Variants in SBNO2 observed in about 807,000 individuals in gnomAD.
SBNO2 encodes protein strawberry notch homolog 2.
A neutral mutation model predicts 146.3 loss-of-function variants in SBNO2; 89 were observed. The ratio of observed to expected loss-of-function variants is 0.61; its 90% CI spans 0.51 to 0.73. The LOEUF is 0.73. Ranked by LOEUF, SBNO2 falls within the 30% of genes least tolerant of loss-of-function variation. The probability of loss-of-function intolerance (pLI) is 0.00; values close to 1 mark genes in which losing one functional copy is unlikely to be tolerated. For missense variants in SBNO2, 2,092 were observed against 2,003.7 expected, an observed-to-expected ratio of 1.04 and a Z score of -0.84; for synonymous variants, 1,147 against 892.6, an observed-to-expected ratio of 1.29 and a Z score of -5.08.
At chr19:1,166,411 A>G (rs12462901) in intron 1 of SBNO2, among the ~76,000 whole-genome samples, 1 of 152,032 alleles carries the variant, frequency 6.6e-6, no homozygotes, top group Non-Finnish European at 1.5e-5. Context: ...GTCCGCCTGG[A>G]CAGGGTGGTG....
At position 1,123,056 on chromosome 19, in the gene SBNO2, A is replaced by C. The variant is rs963951153; in HGVS notation, c.629-11T>G. The C allele has an allele frequency of 2.5e-6, 4 of 1,591,418 alleles. No individual in the cohort carries two copies. The highest frequency in any genetic ancestry group is 3.4e-6 in the Non-Finnish European group (4 of 1,169,634). On this transcript the variant is annotated splice_polypyrimidine_tract_variant and intron_variant, in intron 7 of 31. Transcript: ENST00000361757. ...GCTTCCCGATCTTGGCTGGAGGAGC[A>C]AGGACGGAGGGCAAGGTAAAGGGTA...
rs900252153 is a variant in SBNO2, at chr19:1,136,606, C to A, written c.280-8841G>T. Among the ~76,000 whole-genome samples the A allele has an allele frequency of 1.3e-5, 2 of 152,216 alleles. No homozygotes were observed. The highest frequency in any genetic ancestry group is 4.8e-5 in the African/African-American group (2 of 41,462). On this transcript the variant is annotated intron_variant, in intron 4 of 31. Coordinates refer to ENST00000361757, the MANE Select transcript of SBNO2 (RefSeq NM_014963.3). The surrounding 1 kb of genome is among the most constrained non-coding windows in gnomAD (Gnocchi z 4.2). The stretch of plus-strand genomic sequence containing the variant: ...GCCTTGGCTGGGTGTGAACCAAAGA[C>A]TTCCTGTAAGAAATCCCCCTCTCCC...
intron 1 of SBNO2, among the ~76,000 whole-genome samples, chr19:1,165,631 CAGATCCCAGACTTCAGATCCCT>C (rs1390833451): frequency 2.0e-5 from 3 of 151,902 alleles, no homozygotes; most frequent in African/African-American, 7.3e-5. Context: ...TCTCAGACCC[CAGATCCCAGACTTCAGATCCCT>C]AGATCCCAGA....
At chr19:1,141,017 A>ACACCCCGGAGAAGACG (rs1568607138) in intron 4 of SBNO2, among the ~76,000 whole-genome samples, 4 of 137,762 alleles carry the variant, frequency 2.9e-5, no homozygotes, top group African/African-American at 1.0e-4. Flanking sequence ...TGGAGAAGAC[A>ACACCCCGGAGAAGACG]CACCCTGGAG....
chr19:1,134,128 C>G (rs997435793), intron 4 of SBNO2, among the ~76,000 whole-genome samples: 1 of 143,592 alleles, frequency 7.0e-6, no homozygotes, highest in Admixed American at 6.9e-5. Flanking sequence ...GGACCCACAG[C>G]CCATAGGACC....
chr19:1,122,655 C>T lies in SBNO2; in HGVS notation c.914+3G>A. The stretch of plus-strand genomic sequence containing the variant: ...CCGCCCCCTGCCCCAGGCAGGGCCT[C>T]ACCACAATGCTTTCTTCCGGCCGCG... On this transcript the variant is annotated splice_donor_region_variant and intron_variant, in intron 9 of 31. Transcript: ENST00000361757. 6.5e-7 allele frequency: 1 copy of T among 1,533,920 alleles called. No homozygotes were observed. Among genetic ancestry groups the T allele is most frequent in the Non-Finnish European group, 8.7e-7 (1 of 1,145,538 alleles).
intron 18 of SBNO2, 96 bp downstream of exon 18, chr19:1,114,135 G>A: frequency 8.5e-7 from 1 of 1,170,318 alleles, no homozygotes; most frequent in Non-Finnish European, 1.2e-6. Context: ...GGAGGCCGGG[G>A]GAGCCTCAGG....
At chr19:1,149,945 C>T (rs1200793535) in intron 2 of SBNO2, among the ~76,000 whole-genome samples, 4 of 152,192 alleles carry the variant, frequency 2.6e-5, no homozygotes, top group Non-Finnish European at 5.9e-5. Flanking sequence ...GCCCCTCGGA[C>T]AAGCTGATGT....
chr19:1,152,522 G>A (rs979743661), intron 2 of SBNO2, among the ~76,000 whole-genome samples: 6 of 151,984 alleles, frequency 3.9e-5, no homozygotes, highest in African/African-American at 1.5e-4. Context: ...GCTGACCGAC[G>A]GCCGGTACTC....
At chr19:1,141,388 T>C (rs2080135878) in intron 4 of SBNO2, among the ~76,000 whole-genome samples, 1 of 152,076 alleles carries the variant, frequency 6.6e-6, no homozygotes, top group Non-Finnish European at 1.5e-5. Flanking sequence ...CTAATTTTTG[T>C]ATTTGTAGTA....
In SBNO2 at chr19:1,173,139, A is replaced by G. The variant is rs1568660479; in HGVS notation, c.-127+1033T>C. ...ACGCCTGCCCCCCACGCCCCAGGTC[A>G]GTCTGGGGATTGGTCCCTCCAGGCC... On this transcript the variant is annotated intron_variant, in intron 1 of 31. Transcript: ENST00000361757. This position sits in a 1 kb window ranked among gnomAD's most constrained non-coding sequence, Gnocchi z 4.7. 6.6e-6 allele frequency among the ~76,000 whole-genome samples: 1 copy of G among 152,022 alleles called. No homozygotes were observed. Among genetic ancestry groups the G allele is most frequent in the Non-Finnish European group, 1.5e-5 (1 of 67,990 alleles).
chr19:1,137,019 C>T (rs2080090453), intron 4 of SBNO2, among the ~76,000 whole-genome samples: 1 of 150,530 alleles, frequency 6.6e-6, no homozygotes, highest in Non-Finnish European at 1.5e-5. Flanking sequence ...GCCGAGAGCC[C>T]CAGGAGCCCA....
chr19:1,119,313 C>T (rs1016733978), intron 13 of SBNO2, 149 bp from the exon 14 acceptor site: 3 of 1,079,328 alleles, frequency 2.8e-6, no homozygotes, highest in Non-Finnish European at 2.6e-6. Flanking sequence ...CTGAGCCTGG[C>T]GGGGACGGGG....
intron 19 of SBNO2, among the ~76,000 whole-genome samples, chr19:1,113,173 G>T (rs1346803637): frequency 6.6e-6 from 1 of 152,190 alleles, no homozygotes; most frequent in Non-Finnish European, 1.5e-5. Flanking sequence ...AAGTGAAAAA[G>T]TGAAGCTGGG....
chr19:1,119,854 A>T, intron 12 of SBNO2, 52 bp downstream of exon 12: 2 of 1,381,314 alleles, frequency 1.4e-6, no homozygotes, highest in Non-Finnish European at 2.0e-6. Flanking sequence ...GGGGACAGCC[A>T]GGCAGAAAGA....
rs1221236978 is a variant in SBNO2 at position 1,144,893 on chromosome 19, G to T, written c.279+2416C>A. ...AGACAGAGACAGAGAGGGAGACAGA[G>T]AGACAGAGGCGGAGATGGAGACAGA... is the stretch of plus-strand genomic sequence containing the variant. On this transcript the variant is annotated intron_variant, in intron 4 of 31. Coordinates refer to ENST00000361757, the MANE Select transcript of SBNO2 (RefSeq NM_014963.3). The surrounding 1 kb of genome is among the most constrained non-coding windows in gnomAD (Gnocchi z 4.1). Among the ~76,000 whole-genome samples the T allele has an allele frequency of 6.9e-6, 1 of 145,128 alleles. No homozygotes were observed. Among genetic ancestry groups the T allele is most frequent in the Non-Finnish European group, 1.5e-5 (1 of 67,356 alleles).
Position 1,112,304 on chromosome 19 carries a change from G to GGGGGCAGAGCTGCTCTCAGGGCC in SBNO2, c.2516-26_2516-4dup. ...CTGGTTGGACCGGTGGGTGCGGCCT[G>GGGGGCAGAGCTGCTCTCAGGGCC]GGGGCAGAGCTGCTCTCAGGGCCCG... On this transcript the variant is annotated splice_region_variant and splice_polypyrimidine_tract_variant and intron_variant, in intron 21 of 31. Transcript: ENST00000361757. The surrounding 1 kb of genome is among the most constrained non-coding windows in gnomAD (Gnocchi z 5.9). The GGGGGCAGAGCTGCTCTCAGGGCC allele has an allele frequency of 6.3e-7, 1 of 1,581,184 alleles. No homozygotes were observed. The highest frequency in any genetic ancestry group is 8.6e-7 in the Non-Finnish European group (1 of 1,164,918).
In SBNO2 at chr19:1,154,337, G is replaced by C; in HGVS notation, c.-61C>G. Reference sequence around the variant, plus strand: ...GCAGGCGGCGGGACTCCAGGACCCGGGGCCGCCGGGGCGTCTATCTGGGCT... The same window carrying C: ...GCAGGCGGCGGGACTCCAGGACCCGCGGCCGCCGGGGCGTCTATCTGGGCT... On this transcript the variant is annotated 5_prime_UTR_variant, in exon 2 of 32. Coordinates refer to ENST00000361757, the MANE Select transcript of SBNO2 (RefSeq NM_014963.3). The C allele has an allele frequency of 1.1e-6, 1 of 933,322 alleles. No homozygotes were observed. Among genetic ancestry groups the C allele is most frequent in the Non-Finnish European group, 1.4e-6 (1 of 713,964 alleles). 57.8% of individuals were successfully genotyped at this position (933,322 alleles called of 1,614,324 possible). A position where few individuals can be genotyped will look rare whatever the true frequency, so the allele number is the denominator to read the frequency against.
intron 4 of SBNO2, among the ~76,000 whole-genome samples, chr19:1,129,829 G>C (rs769211728): frequency 2.6e-5 from 4 of 152,140 alleles, no homozygotes; most frequent in Non-Finnish European, 5.9e-5. Flanking sequence ...CCAAATGCGT[G>C]GGTCACACGG....
Sources: gnomAD v4.1 joint callset for allele counts (sites outside exome capture counted in the v4.1 genomes callset) on GRCh38, gnomAD v4.1.1 for gene constraint, Gnocchi (gnomAD v3.1) non-coding constraint, MANE v1.5 for transcripts, NCBI Gene and HGNC (gene_info 2026-07-23, HGNC 2026-07-21) for gene names.